The following PDE1A variants were observed in gnomAD, a reference collection of about 807,000 sequenced individuals.
PDE1A encodes the protein phosphodiesterase 1A.
A neutral mutation model predicts 61.7 loss-of-function variants in PDE1A; 35 were observed. That is an observed-to-expected ratio of 0.57 (90% CI 0.43 to 0.75). The LOEUF is 0.75. PDE1A is among the 30% of genes least tolerant of loss of function. The pLI is 0.00. For missense variants in PDE1A, 597 were observed against 630.6 expected, an observed-to-expected ratio of 0.95 and a Z score of 0.57; for synonymous variants, 232 against 213.2, an observed-to-expected ratio of 1.09 and a Z score of -0.77.
At chr2:182,332,767 T>G (rs1479620950) in intron 1 of PDE1A, among the ~76,000 whole-genome samples, 1 of 152,040 alleles carries the variant, frequency 6.6e-6, no homozygotes, top group Non-Finnish European at 1.5e-5. Context: ...CTCTCCTGTA[T>G]GAGGTGTTAG....
chr2:182,531,278 C>T, the PDE1A span, among the ~76,000 whole-genome samples: 1 of 150,924 alleles, frequency 6.6e-6, no homozygotes, highest in Admixed American at 6.6e-5. Flanking sequence ...TAAATCCTAA[C>T]ATGTCAATAA....
intron 1 of PDE1A, among the ~76,000 whole-genome samples, chr2:182,337,575 T>C (rs1242684014): frequency 6.6e-6 from 1 of 152,148 alleles, no homozygotes; most frequent in African/African-American, 2.4e-5. Flanking sequence ...TCCAAATAAT[T>C]TGGAGAATGG....
At chr2:182,305,371 C>T (rs1668588927) in intron 1 of PDE1A, among the ~76,000 whole-genome samples, 1 of 151,948 alleles carries the variant, frequency 6.6e-6, no homozygotes, top group Non-Finnish European at 1.5e-5. Flanking sequence ...ACAGGGCATA[C>T]TTTCAGCTTT....
intron 13 of PDE1A, among the ~76,000 whole-genome samples, chr2:182,157,447 G>C (rs1691154219): frequency 6.6e-6 from 1 of 152,144 alleles, no homozygotes; most frequent in Non-Finnish European, 1.5e-5. Flanking sequence ...TTCTAACCTA[G>C]AGACTGCAAA....
intron 2 of PDE1A, among the ~76,000 whole-genome samples, chr2:182,465,000 C>T (rs909860955): frequency 1.3e-5 from 2 of 152,092 alleles, no homozygotes. Flanking sequence ...AAAATATTAA[C>T]TGTATGTTAA....
chr2:182,214,581 C>A (rs376309140), intron 7 of PDE1A, among the ~76,000 whole-genome samples: 9 of 150,858 alleles, frequency 6.0e-5, no homozygotes, highest in South Asian at 4.2e-4. Context: ...TCTACCAAGC[C>A]AATGGAAAAC....
At chr2:182,284,491 T>G (rs909667823) in intron 1 of PDE1A, among the ~76,000 whole-genome samples, 1 of 152,126 alleles carries the variant, frequency 6.6e-6, no homozygotes, top group Non-Finnish European at 1.5e-5. Flanking sequence ...CTATCTTTGC[T>G]AAAATGCATA....
At chr2:182,481,076 A>T (rs1687672841) in intron 2 of PDE1A, among the ~76,000 whole-genome samples, 1 of 152,042 alleles carries the variant, frequency 6.6e-6, no homozygotes, top group African/African-American at 2.4e-5. Context: ...TACACCGGAT[A>T]TAAGGGTCAT....
chr2:182,169,513 T>A (rs1418891817), intron 13 of PDE1A, among the ~76,000 whole-genome samples: 1 of 151,984 alleles, frequency 6.6e-6, no homozygotes, highest in Non-Finnish European at 1.5e-5. Context: ...TCTATAATAC[T>A]CAATAAGGAC....
At chr2:182,287,954 T>C (rs1694275591) in intron 1 of PDE1A, among the ~76,000 whole-genome samples, 1 of 152,178 alleles carries the variant, frequency 6.6e-6, no homozygotes. Context: ...ATTGTTCTTC[T>C]TGTTTACATT....
intron 2 of PDE1A, among the ~76,000 whole-genome samples, chr2:182,510,994 T>C (rs1689745318): frequency 6.6e-6 from 1 of 152,166 alleles, no homozygotes. Context: ...TGAAAATATA[T>C]AGAATTGTGT....
chr2:182,549,753 G>C, the PDE1A span, among the ~76,000 whole-genome samples: 2 of 152,090 alleles, frequency 1.3e-5, no homozygotes, highest in Admixed American at 6.6e-5. Context: ...TTCTTTCAAT[G>C]AGATAGTGTT....
chr2:182,636,119 C>T, the PDE1A span, among the ~76,000 whole-genome samples: 1 of 151,694 alleles, frequency 6.6e-6, no homozygotes, highest in Non-Finnish European at 1.5e-5. Context: ...CCGTGCCCGG[C>T]TAATTTTTTT....
In PDE1A at chr2:182,414,175, G is replaced by A. The variant is rs569187263; in HGVS notation, c.53+12403C>T. On this transcript the variant is annotated intron_variant, in intron 1 of 13. Transcript: ENST00000351439. ...ATGGGAAGACATGGAAGCAGAGGACGATTCCTGGTCTACATTTTGAAGATA... is the reference window on the plus strand; with the variant it reads ...ATGGGAAGACATGGAAGCAGAGGACAATTCCTGGTCTACATTTTGAAGATA... Among the ~76,000 whole-genome samples the A allele has an allele frequency of 5.9e-5, 9 of 152,222 alleles. No individual in the cohort carries two copies. The South Asian group carries it at 1.0e-3, about 18-fold the overall frequency.
At chr2:182,674,575 CAT>C in the PDE1A span, among the ~76,000 whole-genome samples, 53,266 of 149,192 alleles carry the variant, frequency 0.36, 9,785 homozygotes, top group Admixed American at 0.46. Flanking sequence ...TTCACAGATA[CAT>C]ATATATATAT....
At chr2:182,318,881 T>C (rs1696523310) in intron 1 of PDE1A, among the ~76,000 whole-genome samples, 1 of 152,188 alleles carries the variant, frequency 6.6e-6, no homozygotes, top group Admixed American at 6.6e-5. Flanking sequence ...TCAGCCCACA[T>C]TGATTTCAAT....
intron 2 of PDE1A, among the ~76,000 whole-genome samples, chr2:182,489,832 A>G (rs1688266513): frequency 6.6e-6 from 1 of 152,186 alleles, no homozygotes; most frequent in South Asian, 2.1e-4. Context: ...GGAGAGGTCC[A>G]GGCTGCAGAT....
chr2:182,549,137 G>GA, the PDE1A span, among the ~76,000 whole-genome samples: 2 of 151,100 alleles, frequency 1.3e-5, no homozygotes, highest in Admixed American at 6.6e-5. Flanking sequence ...ATTTCCCTTG[G>GA]AAAAAAATCA....
At chr2:182,454,494 C>T (rs532012700) in intron 2 of PDE1A, among the ~76,000 whole-genome samples, 30 of 152,154 alleles carry the variant, frequency 2.0e-4, no homozygotes, top group Admixed American at 1.4e-3. Context: ...AAGCCGGAGG[C>T]GTCATGCTAC....
Sources: gnomAD v4.1 joint callset for allele counts (sites outside exome capture counted in the v4.1 genomes callset) on GRCh38, gnomAD v4.1.1 for gene constraint, MANE v1.5 for transcripts, NCBI Gene and HGNC (gene_info 2026-07-23, HGNC 2026-07-21) for gene names.